The following PARD3 variants were observed in gnomAD, a reference collection of about 807,000 sequenced individuals.
PARD3 encodes par-3 family cell polarity regulator.
In PARD3, 75 loss-of-function variants were observed where a neutral mutation model predicts 155.4. That is an observed-to-expected ratio of 0.48 (90% CI 0.40 to 0.58). The LOEUF (loss-of-function observed/expected upper bound fraction) is 0.58. Among genes scored for constraint, PARD3 ranks in the 20% least tolerant of loss-of-function variants. The pLI is 0.00. For synonymous variants in PARD3, 576 were observed against 610.5 expected (o/e 0.94, Z 0.83); for missense variants, 1,642 against 1,721.7 (o/e 0.95, Z 0.82).
chr10:34,673,972 G>A (rs531615076), intron 2 of PARD3, among the ~76,000 whole-genome samples: 95 of 141,020 alleles, frequency 6.7e-4, no homozygotes, highest in African/African-American at 2.2e-3. Flanking sequence ...AAGACAGAGC[G>A]AGAGTCTGCA....
At chr10:34,756,570 C>T (rs569172712) in intron 1 of PARD3, among the ~76,000 whole-genome samples, 6 of 151,062 alleles carry the variant, frequency 4.0e-5, no homozygotes, top group Non-Finnish European at 2.9e-5. Flanking sequence ...ATCTTCCTGC[C>T]TCAGCCTCAA....
intron 1 of PARD3, among the ~76,000 whole-genome samples, chr10:34,729,471 C>A (rs2094778067): frequency 6.7e-6 from 1 of 148,846 alleles, no homozygotes; most frequent in Non-Finnish European, 1.5e-5. Flanking sequence ...GCGGAGGTTG[C>A]AGTGAGCCAA....
chr10:34,193,241 T>C (rs1019732560), intron 22 of PARD3, among the ~76,000 whole-genome samples: 2 of 152,216 alleles, frequency 1.3e-5, no homozygotes, highest in African/African-American at 4.8e-5. Context: ...CTTATTTGCA[T>C]TCATTTACAT....
Position 34,127,002 on chromosome 10 carries a change from G to A in PARD3, c.3540+4461C>T, listed in dbSNP as rs181767598. On this transcript the variant is annotated intron_variant, in intron 23 of 24. Coordinates refer to ENST00000374788, the MANE Select transcript of PARD3 (RefSeq NM_001184785.2). ...TTTGATATATAATAATGTGGTCCAT[G>A]ACCTTCAGTAGTTGAGTTTCCAAAT... 3.9e-5 allele frequency among the ~76,000 whole-genome samples: 6 copies of A among 151,960 alleles called. No homozygotes were observed. In the East Asian group the frequency reaches 1.2e-3, roughly 29 times the overall value.
chr10:34,335,504 C>G (rs1198438127), intron 18 of PARD3, among the ~76,000 whole-genome samples: 1 of 151,932 alleles, frequency 6.6e-6, no homozygotes. Flanking sequence ...TGATTACTGT[C>G]ATACAATAAC....
At chr10:34,432,851 A>G (rs962953796) in intron 5 of PARD3, among the ~76,000 whole-genome samples, 1 of 152,196 alleles carries the variant, frequency 6.6e-6, no homozygotes, top group African/African-American at 2.4e-5. Flanking sequence ...AAGAGCATGT[A>G]AAAACCCATC....
At chr10:34,516,926 G>A (rs1456979854) in intron 3 of PARD3, 53 bp downstream of exon 3, 3 of 1,511,064 alleles carry the variant, frequency 2.0e-6, no homozygotes, top group Non-Finnish European at 2.7e-6. Flanking sequence ...AACAAAAGTT[G>A]GTATTCCTGT....
intron 22 of PARD3, among the ~76,000 whole-genome samples, chr10:34,172,260 T>TC (rs1162140525): frequency 6.6e-6 from 1 of 152,168 alleles, no homozygotes; most frequent in Non-Finnish European, 1.5e-5. Context: ...TTTGAAAAAC[T>TC]CCAAGTGCTG....
At chr10:34,250,502 C>A (rs866735950) in intron 22 of PARD3, among the ~76,000 whole-genome samples, 1 of 152,056 alleles carries the variant, frequency 6.6e-6, no homozygotes. Flanking sequence ...TATTCCTTGA[C>A]GGGCATTTAG....
intron 22 of PARD3, among the ~76,000 whole-genome samples, chr10:34,234,382 T>G (rs1953103009): frequency 6.6e-6 from 1 of 152,204 alleles, no homozygotes; most frequent in Non-Finnish European, 1.5e-5. Context: ...ATTTCATATT[T>G]TAGCTTTGCC....
At chr10:34,681,385 C>CAA (rs1386041728) in intron 2 of PARD3, among the ~76,000 whole-genome samples, 1 of 151,902 alleles carries the variant, frequency 6.6e-6, no homozygotes, top group African/African-American at 2.4e-5. Flanking sequence ...AAAGAATATT[C>CAA]AAGACTGCCT....
intron 5 of PARD3, among the ~76,000 whole-genome samples, chr10:34,424,124 A>G (rs1220703204): frequency 6.6e-6 from 1 of 152,226 alleles, no homozygotes; most frequent in African/African-American, 2.4e-5. Context: ...ATATAATACA[A>G]ACATAATAGA....
At chr10:34,810,524 G>A (rs922759866) in intron 1 of PARD3, among the ~76,000 whole-genome samples, 5 of 152,076 alleles carry the variant, frequency 3.3e-5, no homozygotes, top group Non-Finnish European at 5.9e-5. Flanking sequence ...GCCAATACCC[G>A]CAGCTTTTAC....
At chr10:34,331,498 T>C (rs1168077446) in intron 18 of PARD3, among the ~76,000 whole-genome samples, 154 bp from the exon 19 acceptor site, 1 of 152,242 alleles carries the variant, frequency 6.6e-6, no homozygotes, top group African/African-American at 2.4e-5. Context: ...AATGAAGTAA[T>C]AGTTGCTAAT....
chr10:34,686,812 G>A (rs1339859903), intron 2 of PARD3, among the ~76,000 whole-genome samples: 2 of 151,834 alleles, frequency 1.3e-5, no homozygotes, highest in Non-Finnish European at 2.9e-5. Flanking sequence ...ACTTTGGGAG[G>A]CTGAGGAGGG....
At chr10:34,319,255 A>T (rs1228715735) in intron 19 of PARD3, among the ~76,000 whole-genome samples, 1 of 151,084 alleles carries the variant, frequency 6.6e-6, no homozygotes, top group Non-Finnish European at 1.5e-5. Flanking sequence ...CACCCAGCTA[A>T]TTTTTGTATT....
intron 22 of PARD3, among the ~76,000 whole-genome samples, chr10:34,174,747 T>C (rs1021278892): frequency 6.6e-6 from 1 of 152,220 alleles, no homozygotes; most frequent in South Asian, 2.1e-4. Flanking sequence ...TAAGAATAAA[T>C]AAATGTGGTG....
chr10:34,294,754 GAA>G (rs1467993969), intron 20 of PARD3, among the ~76,000 whole-genome samples: 6 of 152,152 alleles, frequency 3.9e-5, no homozygotes, highest in Non-Finnish European at 8.8e-5. Flanking sequence ...GAACAGGAAA[GAA>G]AAGATTCCCA....
At chr10:34,551,267 GT>G (rs1243336616) in intron 2 of PARD3, among the ~76,000 whole-genome samples, 1 of 152,142 alleles carries the variant, frequency 6.6e-6, no homozygotes, top group Non-Finnish European at 1.5e-5. Flanking sequence ...AGGAAGCAGG[GT>G]GGGATGCAGC....
Sources: gnomAD v4.1 joint callset for allele counts (sites outside exome capture counted in the v4.1 genomes callset) on GRCh38, gnomAD v4.1.1 for gene constraint, MANE v1.5 for transcripts, NCBI Gene and HGNC (gene_info 2026-07-23, HGNC 2026-07-21) for gene names.